The following ECI2 variants were observed in gnomAD, a reference collection of about 807,000 sequenced individuals.
ECI2 encodes enoyl-CoA delta isomerase 2, also known as D3,D2-enoyl-CoA isomerase.
Under a neutral mutation model 38.4 loss-of-function variants are expected in ECI2, and 27 were observed. The ratio of observed to expected loss-of-function variants is 0.70; its 90% CI spans 0.52 to 0.97. The LOEUF (loss-of-function observed/expected upper bound fraction) is 0.97, where lower values mean the gene tolerates loss of function less well. ECI2 is among the 50% of genes least tolerant of loss of function. ECI2 has a pLI of 0.00. For missense variants in ECI2, 470 were observed against 474.4 expected, an observed-to-expected ratio of 0.99 and a Z score of 0.09; for synonymous variants, 168 against 172.0, an observed-to-expected ratio of 0.98 and a Z score of 0.18.
At chr6:4,116,109 G>A in intron 9 of ECI2, 80 bp from the exon 10 acceptor site, 1 of 1,497,530 alleles carries the variant, frequency 6.7e-7, no homozygotes, top group Non-Finnish European at 9.0e-7. Flanking sequence ...CCAGCACTTG[G>A]GGAGGCCGAG....
At chr6:4,117,166 T>G in intron 9 of ECI2, 142 bp downstream of exon 9, 240 of 1,026,884 alleles carry the variant, frequency 2.3e-4, no homozygotes, top group Non-Finnish European at 2.9e-4. Context: ...CTACAGTTAT[T>G]TTTTAATTCC....
chr6:4,135,252 G>A, intron 1 of ECI2: 4 of 1,083,014 alleles, frequency 3.7e-6, no homozygotes, highest in Non-Finnish European at 5.4e-6. Context: ...GGCAGGCGGA[G>A]ACCTTGGGGA....
intron 5 of ECI2, among the ~76,000 whole-genome samples, 195 bp from the exon 6 acceptor site, chr6:4,126,432 A>T (rs528453630): frequency 6.6e-6 from 1 of 152,210 alleles, no homozygotes; most frequent in African/African-American, 2.4e-5. Context: ...AGCTAATGCT[A>T]CTGTTGAAAT....
At chr6:4,131,131 AT>A (rs1182126965) in intron 2 of ECI2, among the ~76,000 whole-genome samples, 3 of 152,136 alleles carry the variant, frequency 2.0e-5, no homozygotes, top group Admixed American at 6.5e-5. Context: ...TTCTAAAAAA[AT>A]CTAATGGTTC....
Position 4,130,368 on chromosome 6 carries a change from T to G in ECI2, c.501+4A>C. The stretch of plus-strand genomic sequence containing the variant: ...GGACAAACTCCGTGGGCAGGTAACA[T>G]TACCTCAGTGTTTATGGCATTTTTC... On this transcript the variant is annotated splice_donor_region_variant and intron_variant, in intron 4 of 9. Coordinates refer to ENST00000380118, the MANE Select transcript of ECI2 (RefSeq NM_206836.3). 1 of 1,614,194 alleles carries G rather than the reference T, an allele frequency of 6.2e-7. No individual in the cohort carries two copies. Among genetic ancestry groups the G allele is most frequent in the Non-Finnish European group, 8.5e-7 (1 of 1,180,014 alleles).
chr6:4,135,548 A>G lies in ECI2; in HGVS notation c.13T>C (p.Tyr5His). MAMA[Y>H]LAWRLARRSC... ...CGCCGCGCCAGTCTCCAAGCCAAGT[A>G]CGCCATCGCCATCCCTTGGGCGGCT... The change falls in exon 1 of 10, where the codon TAC becomes CAC. Residue 5 changes from tyrosine to histidine, a missense_variant. By Grantham distance (83) the Tyr-to-His change is moderately conservative. Coordinates refer to ENST00000380118, the MANE Select transcript of ECI2 (RefSeq NM_206836.3). 1 of 1,463,052 alleles carries G rather than the reference A, an allele frequency of 6.8e-7. No homozygotes were observed. The highest frequency in any genetic ancestry group is 9.2e-7 in the Non-Finnish European group (1 of 1,088,236). The allele number at this position is 1,463,052 out of a possible 1,614,324, so 90.6% of individuals were successfully genotyped here. A position where few individuals can be genotyped will look rare whatever the true frequency, so the allele number is the denominator to read the frequency against.
chr6:4,129,238 G>A (rs377064451), intron 4 of ECI2, among the ~76,000 whole-genome samples: 3 of 152,152 alleles, frequency 2.0e-5, no homozygotes, highest in Admixed American at 6.5e-5. Flanking sequence ...CCAGCCTCCT[G>A]AGTAGCTGGG....
intron 8 of ECI2, 94 bp from the exon 9 acceptor site, chr6:4,117,545 A>G: frequency 1.3e-6 from 2 of 1,494,072 alleles, no homozygotes; most frequent in Non-Finnish European, 8.9e-7. Flanking sequence ...AGATGTACTC[A>G]TGGTCTTTTG....
At chr6:4,118,173 G>C (rs1487383189) in intron 8 of ECI2, 2 of 152,272 alleles carry the variant, frequency 1.3e-5, no homozygotes, top group South Asian at 2.1e-4. Flanking sequence ...TGGGATTACA[G>C]GTGCCCGCCA....
chr6:4,127,930 A>G (rs1773282512), intron 4 of ECI2, 99 bp from the exon 5 acceptor site: 1 of 1,106,688 alleles, frequency 9.0e-7, no homozygotes, highest in Non-Finnish European at 1.3e-6. Context: ...TGCTCTCAGC[A>G]AAGTGCCTAA....
At chr6:4,121,541 A>C (rs1252754291) in intron 7 of ECI2, among the ~76,000 whole-genome samples, 1 of 152,204 alleles carries the variant, frequency 6.6e-6, no homozygotes, top group East Asian at 1.9e-4. Context: ...AACTTTAAAA[A>C]GTATCGTGGA....
intron 4 of ECI2, 126 bp downstream of exon 4, chr6:4,130,246 C>G (rs777286167): frequency 1.9e-6 from 3 of 1,613,420 alleles, no homozygotes; most frequent in Non-Finnish European, 2.5e-6. Flanking sequence ...AATTACCAAC[C>G]TTCCTGCACA....
In ECI2 at chr6:4,135,505, G is replaced by C; in HGVS notation, c.50+6C>G. ...ATGGGCCGAACGGCCGGGACTCCAA[G>C]CTTACCTCGGACACGAACGCCGCGC... On this transcript the variant is annotated splice_donor_region_variant and intron_variant, in intron 1 of 9. Coordinates refer to ENST00000380118, the MANE Select transcript of ECI2 (RefSeq NM_206836.3). 6.2e-7 allele frequency: 1 copy of C among 1,611,658 alleles called. No individual in the cohort carries two copies.
intron 4 of ECI2, among the ~76,000 whole-genome samples, chr6:4,129,558 G>A (rs1336114702): frequency 6.6e-6 from 1 of 152,274 alleles, no homozygotes; most frequent in East Asian, 1.9e-4. Context: ...GAGAGTGCTG[G>A]CACTCATTAG....
chr6:4,130,986 TAA>T lies in ECI2; in HGVS notation c.214-123_214-122del, dbSNP rs1308842459. 7 of 861,858 alleles carry T rather than the reference TAA, an allele frequency of 8.1e-6. No individual in the cohort carries two copies. In the East Asian group the frequency reaches 1.6e-4, roughly 20 times the overall value. 53.4% of individuals were successfully genotyped at this position (861,858 alleles called of 1,614,324 possible). A position where few individuals can be genotyped will look rare whatever the true frequency, so the allele number is the denominator to read the frequency against. ...CCCCCAAATCCTTTCACAGGGTATG[TAA>T]ATTGATCTGAATTTTCCCCTCCAGT... On this transcript the variant is annotated intron_variant, in intron 2 of 9. Coordinates refer to ENST00000380118, the MANE Select transcript of ECI2 (RefSeq NM_206836.3).
chr6:4,135,499 C>T lies in ECI2; in HGVS notation c.50+12G>A. 1 of 1,611,972 alleles carries T rather than the reference C, an allele frequency of 6.2e-7. No individual in the cohort carries two copies. On this transcript the variant is annotated intron_variant, in intron 1 of 9. Coordinates refer to ENST00000380118, the MANE Select transcript of ECI2 (RefSeq NM_206836.3). The stretch of plus-strand genomic sequence containing the variant: ...GCGACCATGGGCCGAACGGCCGGGA[C>T]TCCAAGCTTACCTCGGACACGAACG...
At chr6:4,120,538 C>T (rs1161899137) in intron 7 of ECI2, among the ~76,000 whole-genome samples, 2 of 151,958 alleles carry the variant, frequency 1.3e-5, no homozygotes, top group East Asian at 3.9e-4. Flanking sequence ...ACCAGCCTGG[C>T]CAACGTAGTG....
At chr6:4,118,721 C>T (rs1772450911) in intron 8 of ECI2, 1 of 153,476 alleles carries the variant, frequency 6.5e-6, no homozygotes, top group Non-Finnish European at 1.5e-5. Context: ...CGTGAGCCCC[C>T]ACAAAACCTC....
intron 4 of ECI2, 31 bp from the exon 5 acceptor site, chr6:4,127,862 G>T (rs1451946551): frequency 6.3e-7 from 1 of 1,589,140 alleles, no homozygotes; most frequent in South Asian, 1.1e-5. Context: ...GAAAAGAAAA[G>T]AACTCTGAAC....
Sources: gnomAD v4.1 joint callset for allele counts (sites outside exome capture counted in the v4.1 genomes callset) on GRCh38, gnomAD v4.1.1 for gene constraint, MANE v1.5 for transcripts, NCBI Gene and HGNC (gene_info 2026-07-23, HGNC 2026-07-21) for gene names.